PHF2: variants seen among roughly 807,000 people sequenced by gnomAD.
PHF2 encodes the protein PHD finger protein 2.
In PHF2, 27 loss-of-function variants were observed where a neutral mutation model predicts 120.5. The ratio of observed to expected loss-of-function variants is 0.22; its 90% CI spans 0.17 to 0.31. The LOEUF (loss-of-function observed/expected upper bound fraction) is 0.31, where lower values mean the gene tolerates loss of function less well. Ranked by LOEUF, PHF2 falls within the 10% of genes least tolerant of loss-of-function variation. The probability of loss-of-function intolerance (pLI) is 1.00; values close to 1 mark genes in which losing one functional copy is unlikely to be tolerated. For synonymous variants in PHF2, 568 were observed against 592.5 expected (o/e 0.96, Z 0.60); for missense variants, 1,024 against 1,434.8 (o/e 0.71, Z 4.63).
intron 1 of PHF2, among the ~76,000 whole-genome samples, chr9:93,605,805 C>T (rs1011849120): frequency 1.3e-5 from 2 of 152,096 alleles, no homozygotes; most frequent in African/African-American, 4.8e-5. Flanking sequence ...TATCCATTCA[C>T]CTACTGAAGG....
chr9:93,673,988 C>T (rs111945016), intron 18 of PHF2, 126 bp downstream of exon 18: 13 of 1,038,562 alleles, frequency 1.3e-5, no homozygotes, highest in Admixed American at 3.2e-5. Context: ...GCAAAACCCT[C>T]GGCCTCTGAC....
At chr9:93,630,470 G>A (rs1338074894) in intron 2 of PHF2, among the ~76,000 whole-genome samples, 1 of 152,212 alleles carries the variant, frequency 6.6e-6, no homozygotes, top group Non-Finnish European at 1.5e-5. Flanking sequence ...TTCTGGGCAC[G>A]TGCATTGTTG....
chr9:93,637,064 G>A (rs189524065), intron 3 of PHF2, among the ~76,000 whole-genome samples: 147 of 152,364 alleles, frequency 9.6e-4, no homozygotes, highest in South Asian at 5.0e-3. Flanking sequence ...CCCTGCAGCC[G>A]TTCATGAGCT....
intron 1 of PHF2, among the ~76,000 whole-genome samples, chr9:93,580,422 A>G (rs1228496687): frequency 6.6e-6 from 1 of 152,168 alleles, no homozygotes; most frequent in Non-Finnish European, 1.5e-5. Context: ...ACATAAAGCC[A>G]CTTGGGCCGT....
At chr9:93,666,110 G>C in intron 16 of PHF2, 50 bp downstream of exon 16, 1 of 1,583,102 alleles carries the variant, frequency 6.3e-7, no homozygotes, top group Non-Finnish European at 8.7e-7. Flanking sequence ...TCTCTGGGCA[G>C]TCCCCAAGGC....
At chr9:93,675,161 G>A (rs369332386) in intron 19 of PHF2, 139 bp downstream of exon 19, 41 of 676,210 alleles carry the variant, frequency 6.1e-5, no homozygotes, top group Middle Eastern at 2.6e-4. Flanking sequence ...AGCCCGTCCC[G>A]CTGGGGTTGG....
At chr9:93,587,897 C>G (rs984151570) in intron 1 of PHF2, among the ~76,000 whole-genome samples, 2 of 152,208 alleles carry the variant, frequency 1.3e-5, no homozygotes, top group Non-Finnish European at 2.9e-5. Context: ...GGCCCCCTGT[C>G]TGCTGGGTAG....
chr9:93,607,939 A>AGGAGAG (rs745853933), intron 1 of PHF2, among the ~76,000 whole-genome samples: 3 of 54,566 alleles, frequency 5.5e-5, no homozygotes, highest in African/African-American at 1.6e-4. Flanking sequence ...AGGGAAAGAG[A>AGGAGAG]TGAGAGAGAG....
intron 5 of PHF2, among the ~76,000 whole-genome samples, chr9:93,652,771 G>C (rs1180582299): frequency 6.6e-6 from 1 of 152,186 alleles, no homozygotes; most frequent in Non-Finnish European, 1.5e-5. Context: ...AGCAGTGGCT[G>C]TTATCCAGGT....
chr9:93,667,258 G>A lies in PHF2; in HGVS notation c.2348+18G>A. On this transcript the variant is annotated intron_variant, in intron 17 of 21. Transcript: ENST00000359246. ...CCCAGCAGGTGGGCCCCACCACCCG[G>A]CAGCACCCAAGAGCGGGGACCAGGC... 1.2e-6 allele frequency: 2 copies of A among 1,603,192 alleles called. No homozygotes were observed. Among genetic ancestry groups the A allele is most frequent in the Non-Finnish European group, 8.5e-7 (1 of 1,175,822 alleles).
At chr9:93,603,943 C>T (rs1308129890) in intron 1 of PHF2, among the ~76,000 whole-genome samples, 1 of 152,232 alleles carries the variant, frequency 6.6e-6, no homozygotes, top group African/African-American at 2.4e-5. Context: ...CTCCAGATCC[C>T]CCAGCCTGAA....
chr9:93,584,094 C>T lies in PHF2; in HGVS notation c.98+7223C>T, dbSNP rs562788717. 2.6e-5 allele frequency among the ~76,000 whole-genome samples: 4 copies of T among 152,298 alleles called. No individual in the cohort carries two copies. The East Asian group carries it at 7.7e-4, about 29-fold the overall frequency. On this transcript the variant is annotated intron_variant, in intron 1 of 21. Coordinates refer to ENST00000359246, the MANE Select transcript of PHF2 (RefSeq NM_005392.4). The stretch of plus-strand genomic sequence containing the variant: ...CTTCCTGCCTTGGCCTCCCAAAGTG[C>T]TGGGATTATAGGCATGAGCTACTGC...
At chr9:93,576,977 GGCCGCC>G in intron 1 of PHF2, 106 bp downstream of exon 1, 2 of 318,528 alleles carry the variant, frequency 6.3e-6, no homozygotes, top group Non-Finnish European at 9.0e-6. Flanking sequence ...CTCGGGGACG[GGCCGCC>G]GCCGCCGCCG....
chr9:93,668,984 A>G (rs1052469975), intron 17 of PHF2, among the ~76,000 whole-genome samples: 6 of 152,234 alleles, frequency 3.9e-5, no homozygotes, highest in Non-Finnish European at 8.8e-5. Context: ...ATTTATTGTG[A>G]ATAGTTTGCT....
intron 4 of PHF2, among the ~76,000 whole-genome samples, chr9:93,646,352 G>T (rs1364108077): frequency 6.6e-6 from 1 of 152,250 alleles, no homozygotes; most frequent in Non-Finnish European, 1.5e-5. Flanking sequence ...CCGTTCAAGA[G>T]GCAGTGGCAG....
chr9:93,645,840 G>A, intron 4 of PHF2, 51 bp downstream of exon 4: 1 of 1,521,250 alleles, frequency 6.6e-7, no homozygotes. Flanking sequence ...GGGAGTGCTG[G>A]GACACCCACC....
intron 1 of PHF2, among the ~76,000 whole-genome samples, chr9:93,611,536 G>A (rs10992800): frequency 0.28 from 42,816 of 152,002 alleles, 7,767 homozygotes; most frequent in Non-Finnish European, 0.4. Context: ...TTTAATACAG[G>A]GTCTTGCTCT....
intron 2 of PHF2, among the ~76,000 whole-genome samples, chr9:93,630,815 G>A (rs1825989527): frequency 6.6e-6 from 1 of 152,170 alleles, no homozygotes; most frequent in African/African-American, 2.4e-5. Context: ...TATGGATATG[G>A]GTGTGCGTGT....
intron 17 of PHF2, among the ~76,000 whole-genome samples, chr9:93,672,211 C>G (rs55980031): frequency 1.3e-5 from 1 of 78,236 alleles, no homozygotes; most frequent in Admixed American, 1.3e-4. Context: ...TGGGAGTAGG[C>G]ACAGGTGTAG....
Sources: gnomAD v4.1 joint callset for allele counts (sites outside exome capture counted in the v4.1 genomes callset) on GRCh38, gnomAD v4.1.1 for gene constraint, MANE v1.5 for transcripts, NCBI Gene and HGNC (gene_info 2026-07-23, HGNC 2026-07-21) for gene names.